Variants in DAOA observed in about 807,000 individuals in gnomAD.
DAOA encodes the protein D-amino acid oxidase activator.
DAOA carries 15 observed loss-of-function variants against 16.4 expected under a neutral mutation model. The observed-to-expected ratio is 0.91, with a 90% CI of 0.61 to 1.41. The LOEUF is 1.41. DAOA is among the 40% of genes most tolerant of loss of function. The pLI is 0.00. For synonymous variants in DAOA, 75 were observed against 59.1 expected (o/e 1.27, Z -1.23); for missense variants, 230 against 176.8 (o/e 1.30, Z -1.71).
intron 4 of DAOA, among the ~76,000 whole-genome samples, chr13:105,478,794 A>G (rs1304681001): frequency 6.6e-6 from 1 of 152,188 alleles, no homozygotes; most frequent in African/African-American, 2.4e-5. Flanking sequence ...GTTCCCTGAC[A>G]GTAGGACTTT....
At chr13:105,481,199 C>T (rs61607139) in intron 4 of DAOA, among the ~76,000 whole-genome samples, 5,645 of 152,144 alleles carry the variant, frequency 0.037, 137 homozygotes, top group South Asian at 0.063. Context: ...TAGCAATAGT[C>T]CTGGGCACAA....
chr13:105,472,433 A>C (rs968128021), intron 3 of DAOA, 105 bp from the exon 4 acceptor site: 1 of 1,410,494 alleles, frequency 7.1e-7, no homozygotes, highest in East Asian at 2.6e-5. Flanking sequence ...AATTAAGTAA[A>C]ATGGACAATT....
At position 105,480,571 on chromosome 13, in the gene DAOA, G is replaced by GATAGATAA. The variant is rs1555306725; in HGVS notation, c.281+7886_281+7887insATAGATAA. On this transcript the variant is annotated intron_variant, in intron 4 of 5. Coordinates refer to ENST00000375936, the MANE Select transcript of DAOA (RefSeq NM_172370.5). Reference sequence around the variant, plus strand: ...AGATAGATAGATAGATAGATAGATAGCATTTGTTAGGAGAATTGGCTCGTG... The same window carrying GATAGATAA: ...AGATAGATAGATAGATAGATAGATAGATAGATAACATTTGTTAGGAGAATTGGCTCGTG... Among the ~76,000 whole-genome samples, 6 of 150,076 alleles carry GATAGATAA rather than the reference G, an allele frequency of 4.0e-5. No individual in the cohort carries two copies. The East Asian group carries it at 7.8e-4, about 20-fold the overall frequency.
intron 4 of DAOA, among the ~76,000 whole-genome samples, chr13:105,478,616 C>T (rs1877503978): frequency 6.6e-6 from 1 of 152,198 alleles, no homozygotes; most frequent in Non-Finnish European, 1.5e-5. Context: ...ACCTTCTCTG[C>T]ACCTTCCATG....
rs1330339277 is a variant in DAOA, at chr13:105,475,799, A to T, written c.281+3114A>T. On this transcript the variant is annotated intron_variant, in intron 4 of 5. Coordinates refer to ENST00000375936, the MANE Select transcript of DAOA (RefSeq NM_172370.5). ...TTTTTATTTAAAAAGTTTAATATGG[A>T]AATACTCTCAATTATATTTAAGACA... Among the ~76,000 whole-genome samples, 4 of 152,292 alleles carry T rather than the reference A, an allele frequency of 2.6e-5. No homozygotes were observed. The East Asian group carries it at 7.7e-4, about 29-fold the overall frequency.
rs2391191 is a variant in DAOA, at chr13:105,467,097, G to A, written c.89G>A (p.Arg30Lys). ...AAAATCTACTTCATAGGTTTTCAAA[G>A]GAGCATTCTTCTGAGCAAATCTGAA... ...LGKIYFIGFQRSILLSKSENS... is the reference protein window; with the variant it reads ...LGKIYFIGFQKSILLSKSENS... Residue 30 changes from arginine (R) to lysine (K), a missense_variant, in exon 3 of 6, where the codon AGG becomes AAG. Coordinates refer to ENST00000375936, the MANE Select transcript of DAOA (RefSeq NM_172370.5). The A allele has an allele frequency of 0.38, 615,913 of 1,605,620 alleles. 124,517 individuals carry two copies. The highest frequency in any genetic ancestry group is 0.68 in the East Asian group (30,073 of 44,528).
chr13:105,489,768 C>T, intron 4 of DAOA, 133 bp from the exon 5 acceptor site: 3 of 1,584,728 alleles, frequency 1.9e-6, no homozygotes, highest in East Asian at 2.3e-5. Flanking sequence ...ATTTGTATAA[C>T]CCCTTACCCT....
At chr13:105,479,335 A>G (rs1379122006) in intron 4 of DAOA, among the ~76,000 whole-genome samples, 2 of 152,114 alleles carry the variant, frequency 1.3e-5, no homozygotes, top group Non-Finnish European at 2.9e-5. Flanking sequence ...ATATTTCCTG[A>G]CACCTTTATT....
At chr13:105,467,215 A>T in intron 3 of DAOA, 74 bp downstream of exon 3, 1 of 1,418,656 alleles carries the variant, frequency 7.0e-7, no homozygotes, top group East Asian at 2.4e-5. Context: ...AAGCTACATA[A>T]TACTTTTGAC....
chr13:105,481,294 C>T (rs1364537107), intron 4 of DAOA, among the ~76,000 whole-genome samples: 1 of 152,082 alleles, frequency 6.6e-6, no homozygotes, highest in Admixed American at 6.6e-5. Context: ...CTATGGTGAA[C>T]ATGCCATTAT....
intron 3 of DAOA, chr13:105,467,646 G>A (rs72549475): frequency 0.017 from 2,446 of 144,742 alleles, 64 homozygotes; most frequent in African/African-American, 0.054. Flanking sequence ...GTGCAGCAGC[G>A]CCTCGGCCTC....
intron 4 of DAOA, among the ~76,000 whole-genome samples, chr13:105,481,035 C>G (rs1248591475): frequency 6.6e-6 from 1 of 152,170 alleles, no homozygotes; most frequent in Non-Finnish European, 1.5e-5. Flanking sequence ...CTAAAATTAT[C>G]ACAGCATCTA....
At chr13:105,488,705 A>C (rs771591284) in intron 4 of DAOA, among the ~76,000 whole-genome samples, 66 of 152,292 alleles carry the variant, frequency 4.3e-4, no homozygotes, top group African/African-American at 4.3e-4. Context: ...AAAGTGAAAA[A>C]CATATTTAAT....
intron 4 of DAOA, among the ~76,000 whole-genome samples, chr13:105,485,818 A>G (rs959636050): frequency 6.6e-6 from 1 of 152,216 alleles, no homozygotes; most frequent in Non-Finnish European, 1.5e-5. Context: ...ATTGCCAGCA[A>G]CACTGGAAGC....
At chr13:105,466,441 A>T in intron 2 of DAOA, 109 bp downstream of exon 2, 1 of 1,568,998 alleles carries the variant, frequency 6.4e-7, no homozygotes, top group Non-Finnish European at 8.7e-7. Context: ...GAAGTGGAAC[A>T]TGTCAGGGTT....
intron 3 of DAOA, among the ~76,000 whole-genome samples, chr13:105,468,881 A>T (rs909648900): frequency 6.6e-6 from 1 of 152,240 alleles, no homozygotes; most frequent in Non-Finnish European, 1.5e-5. Flanking sequence ...CCAGACATGA[A>T]AAGAAGCGAG....
At chr13:105,486,226 T>C (rs1878097553) in intron 4 of DAOA, among the ~76,000 whole-genome samples, 5 of 152,140 alleles carry the variant, frequency 3.3e-5, no homozygotes, top group Admixed American at 3.3e-4. Flanking sequence ...TCCACCCTTT[T>C]CTTCATACGC....
At chr13:105,473,452 T>TA (rs1419541688) in intron 4 of DAOA, among the ~76,000 whole-genome samples, 1 of 152,140 alleles carries the variant, frequency 6.6e-6, no homozygotes, top group Non-Finnish European at 1.5e-5. Context: ...AACATTAAGT[T>TA]AAAATCAGTT....
chr13:105,482,419 C>G (rs79863858), intron 4 of DAOA, among the ~76,000 whole-genome samples: 1 of 151,502 alleles, frequency 6.6e-6, no homozygotes, highest in Non-Finnish European at 1.5e-5. Flanking sequence ...CCTTAGCTTC[C>G]GTGGGAGCTC....
Sources: gnomAD v4.1 joint callset for allele counts (sites outside exome capture counted in the v4.1 genomes callset) on GRCh38, gnomAD v4.1.1 for gene constraint, MANE v1.5 for transcripts, NCBI Gene and HGNC (gene_info 2026-07-23, HGNC 2026-07-21) for gene names.